Variants in OPCML observed in about 807,000 individuals in gnomAD.
The protein encoded by OPCML is opioid-binding protein/cell adhesion molecule.
A neutral mutation model predicts 37.8 loss-of-function variants in OPCML; 13 were observed. The ratio of observed to expected loss-of-function variants is 0.34; its 90% confidence interval spans 0.22 to 0.55. The LOEUF (loss-of-function observed/expected upper bound fraction) is 0.55. Ranked by LOEUF, OPCML falls within the 20% of genes least tolerant of loss-of-function variation. The pLI is 0.91. For missense variants in OPCML, 341 were observed against 435.6 expected, an observed-to-expected ratio of 0.78 and a Z score of 1.93; for synonymous variants, 176 against 168.8, an observed-to-expected ratio of 1.04 and a Z score of -0.33.
chr11:132,853,501 T>C (rs543441782), intron 2 of OPCML, among the ~76,000 whole-genome samples: 1 of 152,198 alleles, frequency 6.6e-6, no homozygotes, highest in South Asian at 2.1e-4. Flanking sequence ...TTTAGGGATA[T>C]AGTTCAATGT....
At chr11:132,480,240 G>T (rs184911920) in intron 4 of OPCML, among the ~76,000 whole-genome samples, 21 of 152,262 alleles carry the variant, frequency 1.4e-4, no homozygotes, top group South Asian at 2.1e-4. Flanking sequence ...CTCAGGAGCC[G>T]ATGCAATCAA....
intron 1 of OPCML, among the ~76,000 whole-genome samples, chr11:132,958,372 GA>G (rs1273169964): frequency 6.6e-6 from 1 of 152,204 alleles, no homozygotes; most frequent in Non-Finnish European, 1.5e-5. Context: ...TTTAAGGAAA[GA>G]AACCATTTTT....
At chr11:132,510,670 T>C (rs1302267083) in intron 4 of OPCML, among the ~76,000 whole-genome samples, 3 of 152,194 alleles carry the variant, frequency 2.0e-5, no homozygotes, top group East Asian at 3.9e-4. Context: ...AAATACCTTT[T>C]GCCTCTTGCC....
chr11:132,727,540 C>A (rs1040395300), intron 2 of OPCML, among the ~76,000 whole-genome samples: 2 of 152,158 alleles, frequency 1.3e-5, no homozygotes, highest in Non-Finnish European at 2.9e-5. Flanking sequence ...CTGGCACACC[C>A]GGAGCCCTAG....
intron 4 of OPCML, among the ~76,000 whole-genome samples, chr11:132,449,403 C>A (rs929306771): frequency 6.6e-5 from 10 of 152,256 alleles, no homozygotes; most frequent in African/African-American, 2.4e-4. Flanking sequence ...AACTAATCAT[C>A]CACTTAGATG....
rs561774708 is a variant in OPCML, at chr11:132,921,878, A to C, written c.146+21048T>G. Among the ~76,000 whole-genome samples the C allele has an allele frequency of 6.6e-5, 10 of 152,006 alleles. No individual in the cohort carries two copies. The East Asian group carries it at 1.7e-3, about 26-fold the overall frequency. ...GAGGCCCTCCATTGAGTGAGACTATAAATTTTACCTTTTTTTTTTGAGACA... is the reference window on the plus strand; with the variant it reads ...GAGGCCCTCCATTGAGTGAGACTATCAATTTTACCTTTTTTTTTTGAGACA... On this transcript the variant is annotated intron_variant, in intron 2 of 7. Transcript: ENST00000524381.
rs200491681 is a variant in OPCML at position 132,888,872 on chromosome 11, A to G, written c.146+54054T>C. 2.4e-4 allele frequency among the ~76,000 whole-genome samples: 29 copies of G among 122,394 alleles called. 1 individual carries two copies. The South Asian group carries it at 4.5e-3, about 19-fold the overall frequency. The allele number at this position is 122,394 out of a possible 152,430, so 80.3% of individuals were successfully genotyped here. ...AAATTTTACAACAAAAAAAAAAAAG[A>G]AAAAAAAAATCTGTTCCCTTTACAA... On this transcript the variant is annotated intron_variant, in intron 2 of 7. Coordinates refer to ENST00000524381, the MANE Select transcript of OPCML (RefSeq NM_001012393.5).
intron 1 of OPCML, among the ~76,000 whole-genome samples, chr11:133,472,660 CG>C (rs1334655959): frequency 6.6e-6 from 1 of 151,816 alleles, no homozygotes; most frequent in Non-Finnish European, 1.5e-5. Flanking sequence ...AAATAGTCCT[CG>C]GATCCAGAAA....
chr11:133,183,864 C>CT (rs1937951154), intron 1 of OPCML, among the ~76,000 whole-genome samples: 1 of 152,186 alleles, frequency 6.6e-6, no homozygotes, highest in Non-Finnish European at 1.5e-5. Flanking sequence ...CTTCCGAATG[C>CT]TTTTTGCTCA....
chr11:133,150,969 T>C (rs1211446044), intron 1 of OPCML, among the ~76,000 whole-genome samples: 1 of 151,934 alleles, frequency 6.6e-6, no homozygotes, highest in East Asian at 1.9e-4. Context: ...TCCAAAGCTA[T>C]TTCAGAGACA....
chr11:132,429,351 C>T (rs971377659), intron 7 of OPCML, among the ~76,000 whole-genome samples: 1 of 152,136 alleles, frequency 6.6e-6, no homozygotes, highest in Non-Finnish European at 1.5e-5. Flanking sequence ...ATGAGGGAAC[C>T]AGTGAGAGGA....
chr11:133,499,875 T>TATA (rs71477802), intron 1 of OPCML, among the ~76,000 whole-genome samples: 179 of 112,958 alleles, frequency 1.6e-3, no homozygotes, highest in East Asian at 3.8e-3. Flanking sequence ...TATATATATA[T>TATA]TTTTTTTTTT....
intron 3 of OPCML, among the ~76,000 whole-genome samples, chr11:132,551,135 C>T (rs1179600971): frequency 6.6e-6 from 1 of 152,218 alleles, no homozygotes; most frequent in Non-Finnish European, 1.5e-5. Flanking sequence ...TTGCAATTCC[C>T]CTGTCTTGAA....
intron 2 of OPCML, among the ~76,000 whole-genome samples, chr11:132,709,581 A>G (rs1239624622): frequency 2.6e-5 from 4 of 152,160 alleles, no homozygotes; most frequent in African/African-American, 9.7e-5. Context: ...GACTTTGAAG[A>G]GGAGTGACCA....
chr11:132,826,635 C>G (rs1406439557), intron 2 of OPCML, among the ~76,000 whole-genome samples: 1 of 152,206 alleles, frequency 6.6e-6, no homozygotes, highest in East Asian at 1.9e-4. Flanking sequence ...GGTTTTTTAG[C>G]TATCAGTGAT....
At chr11:133,187,631 C>T (rs1938144027) in intron 1 of OPCML, among the ~76,000 whole-genome samples, 1 of 152,140 alleles carries the variant, frequency 6.6e-6, no homozygotes, top group Non-Finnish European at 1.5e-5. Context: ...TTAAAAGAGG[C>T]TGGGACTTGA....
At position 132,538,709 on chromosome 11, in the gene OPCML, T is replaced by C. The variant is rs532063590; in HGVS notation, c.380-9523A>G. ...CATTTATTGATAGTTCTTTGAATAA[T>C]GCTGCATAATGTCTGCTTAACTCCC... On this transcript the variant is annotated intron_variant, in intron 3 of 7. Transcript: ENST00000524381. 2.6e-4 allele frequency among the ~76,000 whole-genome samples: 40 copies of C among 152,298 alleles called. No homozygotes were observed. The South Asian group carries it at 4.6e-3, about 17-fold the overall frequency.
intron 4 of OPCML, among the ~76,000 whole-genome samples, chr11:132,488,773 A>T (rs997723488): frequency 6.6e-6 from 1 of 152,342 alleles, no homozygotes; most frequent in Non-Finnish European, 1.5e-5. Context: ...AAGTACAAAG[A>T]GGTATCATGG....
chr11:133,139,814 C>T (rs1201974078), intron 1 of OPCML, among the ~76,000 whole-genome samples: 1 of 152,050 alleles, frequency 6.6e-6, no homozygotes, highest in Non-Finnish European at 1.5e-5. Flanking sequence ...TTTCCCCTCA[C>T]AAATGGAAAT....
Sources: gnomAD v4.1 joint callset for allele counts (sites outside exome capture counted in the v4.1 genomes callset) on GRCh38, gnomAD v4.1.1 for gene constraint, MANE v1.5 for transcripts, NCBI Gene and HGNC (gene_info 2026-07-23, HGNC 2026-07-21) for gene names.